Variants in GTF2F2 observed in about 807,000 individuals in gnomAD.
GTF2F2 encodes general transcription factor IIF subunit 2.
A neutral mutation model predicts 42.2 loss-of-function variants in GTF2F2; 23 were observed. The observed-to-expected ratio is 0.55, with a 90% confidence interval of 0.39 to 0.77. GTF2F2 has a LOEUF of 0.77. Ranked by LOEUF, GTF2F2 falls within the 30% of genes least tolerant of loss-of-function variation. The pLI, the probability that GTF2F2 is intolerant of heterozygous loss-of-function variation, is 0.00. For missense variants in GTF2F2, 261 were observed against 287.2 expected (o/e 0.91, Z 0.66); for synonymous variants, 105 against 100.8 (o/e 1.04, Z -0.25).
At chr13:45,134,571 G>A (rs568997548) in intron 1 of GTF2F2, among the ~76,000 whole-genome samples, 4 of 152,322 alleles carry the variant, frequency 2.6e-5, no homozygotes, top group African/African-American at 9.6e-5. Context: ...GTAATTAAAG[G>A]AGACCGAATG....
intron 2 of GTF2F2, 139 bp downstream of exon 2, chr13:45,136,945 G>C: frequency 4.9e-6 from 3 of 618,138 alleles, no homozygotes; most frequent in Non-Finnish European, 2.9e-6. Context: ...CTTGTCAGGA[G>C]ATGGTTAGGT....
At position 45,208,330 on chromosome 13, in the gene GTF2F2, C is replaced by G. The variant is rs143538221; in HGVS notation, c.386+825C>G. On this transcript the variant is annotated intron_variant, in intron 5 of 7. Coordinates refer to ENST00000340473, the MANE Select transcript of GTF2F2 (RefSeq NM_004128.3). ...TGCTGATTGTAAATTCTTGATACCC[C>G]AAATTTTATGACGTTCAAAGAGTCA... Among the ~76,000 whole-genome samples the G allele has an allele frequency of 4.0e-3, 614 of 152,144 alleles. 8 individuals carry two copies. The highest frequency in any genetic ancestry group is 0.014 in the African/African-American group (592 of 41,484).
Position 45,132,732 on chromosome 13 carries a change from A to G in GTF2F2, c.67-4001A>G, listed in dbSNP as rs536611179. On this transcript the variant is annotated intron_variant, in intron 1 of 7. Transcript: ENST00000340473. ...AGGGTAAAGCAAGTAAAAGTATCCA[A>G]TTGTGGCTAGGTGGTAGATGTAGAA... Among the ~76,000 whole-genome samples, 5 of 151,926 alleles carry G rather than the reference A, an allele frequency of 3.3e-5. No individual in the cohort carries two copies. In the East Asian group the frequency reaches 9.7e-4, roughly 30 times the overall value.
At position 45,120,731 on chromosome 13, in the gene GTF2F2, G is replaced by T. The variant is rs1289868057; in HGVS notation, c.66+10G>T. 9 of 1,547,312 alleles carry T rather than the reference G, an allele frequency of 5.8e-6. No individual in the cohort carries two copies. The highest frequency in any genetic ancestry group is 7.9e-6 in the Non-Finnish European group (9 of 1,142,200). On this transcript the variant is annotated intron_variant, in intron 1 of 7. Coordinates refer to ENST00000340473, the MANE Select transcript of GTF2F2 (RefSeq NM_004128.3). ...AGTGTGGCTAGTCAAGGTAATGTTC[G>T]CGAGTCTCCCACTTGCGCTCCTCCT...
At position 45,274,734 on chromosome 13, in the gene GTF2F2, G is replaced by A. The variant is rs138363935; in HGVS notation, c.630+7358G>A. 4.5e-4 allele frequency among the ~76,000 whole-genome samples: 69 copies of A among 152,194 alleles called. No individual in the cohort carries two copies. In the Middle Eastern group the frequency reaches 0.017, roughly 38 times the overall value. On this transcript the variant is annotated intron_variant, in intron 7 of 7. Transcript: ENST00000340473. The stretch of plus-strand genomic sequence containing the variant: ...AAGCAGGCAGATCACTTGAGTCAAG[G>A]AGTTCGAGACCAGCCCTGGGCAACA...
chr13:45,191,224 A>AAAAAATATATATATATATAT, intron 4 of GTF2F2, among the ~76,000 whole-genome samples: 16 of 75,300 alleles, frequency 2.1e-4, no homozygotes, highest in Middle Eastern at 7.2e-3. Flanking sequence ...ACAAAAAAAA[A>AAAAAATATATATATATATAT]ATATATATAT....
chr13:45,122,764 A>G (rs994589984), intron 1 of GTF2F2, among the ~76,000 whole-genome samples: 1 of 152,330 alleles, frequency 6.6e-6, no homozygotes, highest in African/African-American at 2.4e-5. Flanking sequence ...TAATTTTCCT[A>G]TTAAAAATAA....
intron 6 of GTF2F2, among the ~76,000 whole-genome samples, chr13:45,261,117 C>A (rs1001842345): frequency 1.3e-5 from 2 of 151,528 alleles, no homozygotes; most frequent in Non-Finnish European, 2.9e-5. Flanking sequence ...CAGAGTGAGA[C>A]CCCATCTCAA....
chr13:45,256,646 T>A (rs991572610), intron 6 of GTF2F2, among the ~76,000 whole-genome samples: 1 of 152,246 alleles, frequency 6.6e-6, no homozygotes, highest in Non-Finnish European at 1.5e-5. Context: ...AAAAAACATA[T>A]TCAGTATTGT....
chr13:45,267,376 G>A lies in GTF2F2; in HGVS notation c.630G>A (p.Val210=), dbSNP rs1318975055. The change falls in exon 7 of 8, where the codon GTG becomes GTA. Residue 210 remains valine (V), a splice_region_variant and synonymous_variant. Transcript: ENST00000340473. ...TGGTGGACATCACAAAGCAACCTGT[G>A]GTATGTATATGTTCATACTGATCCT... is the stretch of plus-strand genomic sequence containing the variant. The part of the protein sequence containing the change: ...KDLVDITKQP[V]VYLKEILKEI... 6.3e-7 allele frequency: 1 copy of A among 1,596,946 alleles called. No homozygotes were observed. Among genetic ancestry groups the A allele is most frequent in the South Asian group, 1.1e-5 (1 of 89,886 alleles).
chr13:45,168,086 G>A (rs770856751), intron 4 of GTF2F2, among the ~76,000 whole-genome samples: 6 of 152,116 alleles, frequency 3.9e-5, no homozygotes, highest in African/African-American at 7.2e-5. Context: ...GATCTGTACC[G>A]TTTAGCAAAG....
Position 45,191,595 on chromosome 13 carries a change from G to A in GTF2F2, c.305-15829G>A, listed in dbSNP as rs61322062. On this transcript the variant is annotated intron_variant, in intron 4 of 7. Coordinates refer to ENST00000340473, the MANE Select transcript of GTF2F2 (RefSeq NM_004128.3). ...TAACATTAAAATATAGATATTTTCT[G>A]TATACTTAGAGCACAATATTTAGGC... 2.2e-3 allele frequency among the ~76,000 whole-genome samples: 334 copies of A among 152,026 alleles called. 1 individual carries two copies. The highest frequency in any genetic ancestry group is 7.7e-3 in the African/African-American group (321 of 41,486).
chr13:45,214,374 A>C (rs1873808705), intron 5 of GTF2F2, among the ~76,000 whole-genome samples: 1 of 152,186 alleles, frequency 6.6e-6, no homozygotes, highest in East Asian at 1.9e-4. Flanking sequence ...AATGACCTTC[A>C]GTCGATGAAA....
At chr13:45,263,718 T>C (rs1449696341) in intron 6 of GTF2F2, 1 of 152,424 alleles carries the variant, frequency 6.6e-6, no homozygotes, top group African/African-American at 2.4e-5. Flanking sequence ...TGGTTTCCAG[T>C]GCTTTGATGA....
At chr13:45,223,360 T>C (rs1874199213) in intron 5 of GTF2F2, among the ~76,000 whole-genome samples, 1 of 151,862 alleles carries the variant, frequency 6.6e-6, no homozygotes, top group Admixed American at 6.6e-5. Flanking sequence ...GCACCCCTTA[T>C]GAGGCTAATA....
At chr13:45,159,660 G>A (rs1306621664) in intron 4 of GTF2F2, among the ~76,000 whole-genome samples, 1 of 152,204 alleles carries the variant, frequency 6.6e-6, no homozygotes, top group Non-Finnish European at 1.5e-5. Flanking sequence ...TTTTATTAGA[G>A]ACGGGGTTTT....
chr13:45,161,638 T>G (rs1566118768), intron 4 of GTF2F2, among the ~76,000 whole-genome samples: 2 of 152,090 alleles, frequency 1.3e-5, no homozygotes, highest in African/African-American at 2.4e-5. Context: ...GGTCAGGAGT[T>G]CAAGACCAGC....
At chr13:45,127,025 G>T (rs569176880) in intron 1 of GTF2F2, among the ~76,000 whole-genome samples, 1 of 152,308 alleles carries the variant, frequency 6.6e-6, no homozygotes, top group Admixed American at 6.5e-5. Context: ...GTGTTTTGGA[G>T]CCTTGAAACC....
intron 5 of GTF2F2, among the ~76,000 whole-genome samples, chr13:45,222,458 A>G (rs1874158147): frequency 6.6e-6 from 1 of 152,320 alleles, no homozygotes; most frequent in Admixed American, 6.5e-5. Flanking sequence ...TAGAATCTCA[A>G]TGAAAGAAGC....
Sources: allele counts gnomAD v4.1 joint callset (sites outside exome capture counted in the v4.1 genomes callset), GRCh38; gene constraint gnomAD v4.1.1; transcripts MANE v1.5; gene names NCBI Gene and HGNC (gene_info 2026-07-23, HGNC 2026-07-21).